Variants in ZFAND6 observed in about 807,000 individuals in gnomAD.
ZFAND6 encodes the protein AN1-type zinc finger protein 6.
Under a neutral mutation model 24.5 loss-of-function variants are expected in ZFAND6, and 12 were observed. That is an observed-to-expected ratio of 0.49 (90% CI 0.31 to 0.79). The LOEUF is 0.79. ZFAND6 is among the 30% of genes least tolerant of loss of function. The pLI is 0.04. For synonymous variants in ZFAND6, 92 were observed against 81.5 expected (o/e 1.13, Z -0.69); for missense variants, 207 against 245.9 (o/e 0.84, Z 1.06).
At chr15:80,080,183 T>A (rs6495473) in intron 1 of ZFAND6, among the ~76,000 whole-genome samples, 2 of 151,524 alleles carry the variant, frequency 1.3e-5, no homozygotes, top group East Asian at 2.0e-4. Flanking sequence ...TTTTAGTAGC[T>A]ACGGGGTTTC....
intron 1 of ZFAND6, among the ~76,000 whole-genome samples, chr15:80,079,595 G>A (rs1730676425): frequency 6.7e-6 from 1 of 150,020 alleles, no homozygotes; most frequent in African/African-American, 2.5e-5. Context: ...AATAGATTTT[G>A]AATGTTATAA....
At chr15:80,092,656 G>T (rs1283425853) in intron 1 of ZFAND6, among the ~76,000 whole-genome samples, 1 of 152,116 alleles carries the variant, frequency 6.6e-6, no homozygotes, top group African/African-American at 2.4e-5. Context: ...GGCTGTGCAC[G>T]TAATCAGTGG....
At chr15:80,099,657 G>T (rs141647520) in intron 2 of ZFAND6, among the ~76,000 whole-genome samples, 1 of 118,640 alleles carries the variant, frequency 8.4e-6, no homozygotes, top group Non-Finnish European at 1.6e-5. Context: ...TCACTCTGTC[G>T]CCCAGGCTGG....
At chr15:80,119,891 A>G (rs2040071379) in intron 2 of ZFAND6, among the ~76,000 whole-genome samples, 2 of 152,356 alleles carry the variant, frequency 1.3e-5, no homozygotes, top group East Asian at 1.9e-4. Context: ...TTGAAACAGA[A>G]TAAATAACAC....
At chr15:80,085,635 C>G (rs1359330928) in intron 1 of ZFAND6, among the ~76,000 whole-genome samples, 3 of 152,108 alleles carry the variant, frequency 2.0e-5, no homozygotes, top group African/African-American at 7.2e-5. Flanking sequence ...ATAAAAATAT[C>G]TGTATATTTT....
chr15:80,087,865 A>T (rs1018942692), intron 1 of ZFAND6, among the ~76,000 whole-genome samples: 1 of 152,106 alleles, frequency 6.6e-6, no homozygotes, highest in Non-Finnish European at 1.5e-5. Context: ...TTATGCATGC[A>T]TATATAAAAA....
intron 1 of ZFAND6, among the ~76,000 whole-genome samples, chr15:80,077,194 C>T (rs1020415929): frequency 1.1e-4 from 17 of 152,168 alleles, no homozygotes; most frequent in South Asian, 6.2e-4. Flanking sequence ...ACCTTGTGCT[C>T]ATTCTGCATC....
intron 2 of ZFAND6, among the ~76,000 whole-genome samples, chr15:80,115,472 C>T (rs1567086370): frequency 6.6e-6 from 1 of 152,144 alleles, no homozygotes; most frequent in Non-Finnish European, 1.5e-5. Flanking sequence ...ATCCCTTTTC[C>T]TCCCTGATCA....
chr15:80,114,227 T>C (rs539338430), intron 2 of ZFAND6, among the ~76,000 whole-genome samples: 1 of 152,312 alleles, frequency 6.6e-6, no homozygotes, highest in East Asian at 1.9e-4. Flanking sequence ...AGTGCCCTCT[T>C]AGTTGAAACC....
chr15:80,077,845 G>A (rs1173431852), intron 1 of ZFAND6, among the ~76,000 whole-genome samples: 2 of 151,676 alleles, frequency 1.3e-5, no homozygotes, highest in East Asian at 1.9e-4. Flanking sequence ...GACTACAGGT[G>A]TCTGCCACCA....
intron 2 of ZFAND6, among the ~76,000 whole-genome samples, chr15:80,098,905 G>A (rs930635868): frequency 4.6e-5 from 7 of 151,784 alleles, no homozygotes; most frequent in African/African-American, 1.5e-4. Context: ...ATTTTGCATT[G>A]ATTTCAGCCA....
intron 1 of ZFAND6, among the ~76,000 whole-genome samples, chr15:80,066,417 A>G (rs1445000551): frequency 2.6e-5 from 4 of 151,740 alleles, no homozygotes; most frequent in African/African-American, 7.3e-5. Flanking sequence ...GGTTCAAGCA[A>G]TTCTCCTGCC....
intron 2 of ZFAND6, among the ~76,000 whole-genome samples, chr15:80,107,596 G>A (rs866336953): frequency 6.6e-6 from 1 of 152,164 alleles, no homozygotes; most frequent in Middle Eastern, 3.4e-3. Context: ...AGGCTGAAGC[G>A]GGTGGGTCAC....
At chr15:80,078,167 T>C (rs995805752) in intron 1 of ZFAND6, among the ~76,000 whole-genome samples, 9 of 152,326 alleles carry the variant, frequency 5.9e-5, no homozygotes, top group African/African-American at 1.9e-4. Flanking sequence ...TCAGTGACCA[T>C]AGTACCTGAT....
At position 80,095,195 on chromosome 15, in the gene ZFAND6, CACTG is replaced by C. The variant is rs1347944962; in HGVS notation, c.-180-3218_-180-3215del. The stretch of plus-strand genomic sequence containing the variant: ...TTCAGCCTTTCTTTGCCTTTAATGA[CACTG>C]ACATTTTTGAAGAGAGTGACAGACC... On this transcript the variant is annotated intron_variant, in intron 1 of 6. Coordinates refer to ENST00000261749, the MANE Select transcript of ZFAND6 (RefSeq NM_019006.4). Among the ~76,000 whole-genome samples the C allele has an allele frequency of 2.0e-5, 3 of 152,242 alleles. No homozygotes were observed. In the East Asian group the frequency reaches 5.8e-4, roughly 29 times the overall value.
chr15:80,089,606 T>G (rs1423113926), intron 1 of ZFAND6, among the ~76,000 whole-genome samples: 1 of 152,082 alleles, frequency 6.6e-6, no homozygotes, highest in African/African-American at 2.4e-5. Context: ...TGAATTGAAA[T>G]GAATATGTAA....
At chr15:80,092,704 G>A (rs1009754058) in intron 1 of ZFAND6, among the ~76,000 whole-genome samples, 1 of 151,978 alleles carries the variant, frequency 6.6e-6, no homozygotes, top group Non-Finnish European at 1.5e-5. Context: ...ACCCTGGAAT[G>A]TTTTACCTTG....
At chr15:80,066,858 C>A (rs1225023740) in intron 1 of ZFAND6, among the ~76,000 whole-genome samples, 1 of 149,584 alleles carries the variant, frequency 6.7e-6, no homozygotes, top group Admixed American at 6.7e-5. Flanking sequence ...GACTGCACCA[C>A]TACACTCTAG....
At chr15:80,084,608 G>A (rs1009506824) in intron 1 of ZFAND6, among the ~76,000 whole-genome samples, 3 of 152,302 alleles carry the variant, frequency 2.0e-5, no homozygotes, top group East Asian at 1.9e-4. Context: ...GCGTTAAGCC[G>A]GGTTGGCAGA....
Sources: gnomAD v4.1 joint callset for allele counts (sites outside exome capture counted in the v4.1 genomes callset) on GRCh38, gnomAD v4.1.1 for gene constraint, MANE v1.5 for transcripts, NCBI Gene and HGNC (gene_info 2026-07-23, HGNC 2026-07-21) for gene names.